The following TRERF1 variants were observed in gnomAD, a reference collection of about 807,000 sequenced individuals.
TRERF1 encodes transcriptional-regulating factor 1.
A neutral mutation model predicts 122.9 loss-of-function variants in TRERF1; 27 were observed. The ratio of observed to expected loss-of-function variants is 0.22; its 90% confidence interval spans 0.16 to 0.30. The LOEUF is 0.30. TRERF1 is among the 10% of genes least tolerant of loss of function. The probability of loss-of-function intolerance (pLI) is 1.00; values close to 1 mark genes in which losing one functional copy is unlikely to be tolerated. For missense variants in TRERF1, 1,248 were observed against 1,560.3 expected (o/e 0.80, Z 3.37); for synonymous variants, 636 against 641.7 (o/e 0.99, Z 0.13).
chr6:42,292,644 TGAG>T, intron 4 of TRERF1, among the ~76,000 whole-genome samples: 1 of 152,328 alleles, frequency 6.6e-6, no homozygotes, highest in East Asian at 1.9e-4. Flanking sequence ...CGGGTCAGGC[TGAG>T]TTCTCTAATT....
At chr6:42,277,600 C>T (rs1017982553) in intron 4 of TRERF1, among the ~76,000 whole-genome samples, 1 of 152,090 alleles carries the variant, frequency 6.6e-6, no homozygotes, top group African/African-American at 2.4e-5. Context: ...CCTCTAATCC[C>T]AGCACTTTGG....
intron 5 of TRERF1, among the ~76,000 whole-genome samples, chr6:42,266,163 T>C (rs1331823890): frequency 6.6e-6 from 1 of 150,874 alleles, no homozygotes; most frequent in East Asian, 1.9e-4. Context: ...CGCAGCATTA[T>C]GCCAGGAGAC....
chr6:42,304,545 C>T (rs569127263), intron 3 of TRERF1, among the ~76,000 whole-genome samples: 4 of 152,334 alleles, frequency 2.6e-5, no homozygotes, highest in East Asian at 1.9e-4. Context: ...CCGGTGCTGA[C>T]GCTGCAGGGC....
At chr6:42,381,348 T>C (rs557586104) in intron 2 of TRERF1, among the ~76,000 whole-genome samples, 8 of 136,802 alleles carry the variant, frequency 5.8e-5, no homozygotes, top group Non-Finnish European at 1.2e-4. Flanking sequence ...AACCAGCGCC[T>C]TGTTTTAAGG....
rs188433426 is a variant in TRERF1, at chr6:42,275,808, G to A, written c.-258-5960C>T. ...TCCCAGCACACTTTTTCTATACAGG[G>A]CCAGCTAGTAAATATTTTCAGCTTT... On this transcript the variant is annotated intron_variant, in intron 4 of 17. Coordinates refer to ENST00000372922, the Ensembl canonical transcript of TRERF1. This position sits in a 1 kb window ranked among gnomAD's most constrained non-coding sequence, Gnocchi z 4.1. Among the ~76,000 whole-genome samples, 1 of 152,256 alleles carries A rather than the reference G, an allele frequency of 6.6e-6. No homozygotes were observed. The highest frequency in any genetic ancestry group is 1.9e-4 in the East Asian group (1 of 5,182).
exon 18 of TRERF1, chr6:42,226,904 A>G (rs544601830): frequency 6.6e-6 from 1 of 152,410 alleles, no homozygotes; most frequent in South Asian, 2.1e-4. Context: ...ATCACGCTGC[A>G]TTAACTCCAA....
At chr6:42,411,116 C>T (rs543350896) in intron 2 of TRERF1, among the ~76,000 whole-genome samples, 1 of 152,186 alleles carries the variant, frequency 6.6e-6, no homozygotes, top group Non-Finnish European at 1.5e-5. Flanking sequence ...CTCTGCAACT[C>T]AGGCATCAGG....
intron 2 of TRERF1, among the ~76,000 whole-genome samples, chr6:42,419,556 G>A (rs1010968282): frequency 7.2e-5 from 11 of 152,082 alleles, no homozygotes; most frequent in African/African-American, 2.7e-4. Flanking sequence ...TATACACTGG[G>A]GGGATTCACA....
At chr6:42,345,260 T>C (rs1768050054) in intron 3 of TRERF1, among the ~76,000 whole-genome samples, 1 of 152,264 alleles carries the variant, frequency 6.6e-6, no homozygotes, top group African/African-American at 2.4e-5. Flanking sequence ...AAACACTATG[T>C]ACTATTCCTG....
intron 2 of TRERF1, among the ~76,000 whole-genome samples, chr6:42,432,249 C>A (rs536821846): frequency 2.0e-5 from 3 of 152,184 alleles, no homozygotes; most frequent in Non-Finnish European, 2.9e-5. Context: ...AATAAAAATA[C>A]TTTTTAAAAA....
intron 4 of TRERF1, among the ~76,000 whole-genome samples, chr6:42,283,081 CTT>C (rs756882757): frequency 7.2e-5 from 11 of 152,268 alleles, no homozygotes; most frequent in Non-Finnish European, 1.3e-4. Context: ...GTAGGCAACA[CTT>C]TAGCATTACA....
intron 5 of TRERF1, among the ~76,000 whole-genome samples, chr6:42,267,610 C>A (rs1016146192): frequency 6.6e-6 from 1 of 152,092 alleles, no homozygotes; most frequent in Non-Finnish European, 1.5e-5. Context: ...CCAGCCTGGG[C>A]TACAGGGTGA....
chr6:42,306,796 A>T (rs1015461998), intron 3 of TRERF1, among the ~76,000 whole-genome samples: 1 of 152,212 alleles, frequency 6.6e-6, no homozygotes, highest in Non-Finnish European at 1.5e-5. Context: ...AGCATTTATC[A>T]CAGTTGTAAT....
At chr6:42,405,199 G>A (rs748898102) in intron 2 of TRERF1, among the ~76,000 whole-genome samples, 4 of 152,180 alleles carry the variant, frequency 2.6e-5, no homozygotes, top group Non-Finnish European at 5.9e-5. Context: ...AAGGGAAAAG[G>A]CAGCAGTTAA....
intron 2 of TRERF1, among the ~76,000 whole-genome samples, chr6:42,426,994 A>G (rs1783716099): frequency 6.6e-6 from 1 of 151,956 alleles, no homozygotes; most frequent in Non-Finnish European, 1.5e-5. Flanking sequence ...AAGGTAATAT[A>G]TAAGAACTAA....
At chr6:42,256,861 C>G (rs757465749) in intron 11 of TRERF1, 30 bp from the exon 12 acceptor site, 16 of 1,613,374 alleles carry the variant, frequency 9.9e-6, no homozygotes, top group Non-Finnish European at 1.4e-5. Context: ...GCCAATGCAT[C>G]AGAGAGAGCT....
rs1781086756 is a variant in TRERF1, at chr6:42,276,063, T to C, written c.-258-6215A>G. 2.0e-5 allele frequency among the ~76,000 whole-genome samples: 3 copies of C among 152,240 alleles called. No individual in the cohort carries two copies. The highest frequency in any genetic ancestry group is 2.0e-4 in the Admixed American group (3 of 15,276). On this transcript the variant is annotated intron_variant, in intron 4 of 17. Transcript: ENST00000372922. This position sits in a 1 kb window ranked among gnomAD's most constrained non-coding sequence, Gnocchi z 4.3. ...TCTTCACTCACAGGCAGTACAAGAATAGGTGTGGGCTGGATCTGGCCTGAC... is the reference window on the plus strand; with the variant it reads ...TCTTCACTCACAGGCAGTACAAGAACAGGTGTGGGCTGGATCTGGCCTGAC...
intron 2 of TRERF1, among the ~76,000 whole-genome samples, chr6:42,416,444 C>A (rs1303218982): frequency 1.3e-5 from 2 of 152,110 alleles, no homozygotes; most frequent in African/African-American, 2.4e-5. Context: ...TTTCATAAAC[C>A]TTTTCAGCAT....
intron 3 of TRERF1, among the ~76,000 whole-genome samples, chr6:42,335,160 G>C (rs997350390): frequency 5.9e-5 from 9 of 152,214 alleles, no homozygotes; most frequent in African/African-American, 1.2e-4. Flanking sequence ...GGGCAGAGTG[G>C]GAAGGGGATA....
Sources: gnomAD v4.1 joint callset for allele counts (sites outside exome capture counted in the v4.1 genomes callset) on GRCh38, gnomAD v4.1.1 for gene constraint, Gnocchi (gnomAD v3.1) non-coding constraint, MANE v1.5 for transcripts, NCBI Gene and HGNC (gene_info 2026-07-23, HGNC 2026-07-21) for gene names.